Variants in L3MBTL4 observed in about 807,000 individuals in gnomAD.
The protein encoded by L3MBTL4 is L3MBTL histone methyl-lysine binding protein 4.
A neutral mutation model predicts 84.5 loss-of-function variants in L3MBTL4; 70 were observed. The ratio of observed to expected loss-of-function variants is 0.83; its 90% confidence interval spans 0.68 to 1.01. L3MBTL4 has a LOEUF of 1.01. Among genes scored for constraint, L3MBTL4 ranks in the 50% least tolerant of loss-of-function variants. The probability of loss-of-function intolerance (pLI) is 0.00; values close to 1 mark genes in which losing one functional copy is unlikely to be tolerated. For missense variants in L3MBTL4, 715 were observed against 754.8 expected, an observed-to-expected ratio of 0.95 and a Z score of 0.62; for synonymous variants, 274 against 259.8, an observed-to-expected ratio of 1.05 and a Z score of -0.52.
chr18:6,377,665 T>C (rs868633958), intron 1 of L3MBTL4, among the ~76,000 whole-genome samples: 11 of 152,368 alleles, frequency 7.2e-5, no homozygotes, highest in African/African-American at 2.4e-4. Flanking sequence ...TCCTTTTTTA[T>C]GGCTGCATAG....
intron 1 of L3MBTL4, among the ~76,000 whole-genome samples, chr18:6,357,857 T>C (rs2053516030): frequency 6.6e-6 from 1 of 152,204 alleles, no homozygotes; most frequent in South Asian, 2.1e-4. Context: ...CATTAAAAGC[T>C]TTATCTCCAG....
Position 5,960,158 on chromosome 18 carries a change from T to C in L3MBTL4, c.1615-2A>G, listed in dbSNP as rs2095256629. ...AAGAGACTGTACAAACTCAGCCACC[T>C]ACAGTGCGAGATGAAAAGCCTAATT... On this transcript the variant is annotated splice_acceptor_variant, in intron 17 of 18. Transcript: ENST00000317931. LOFTEE classifies it high-confidence loss of function. The C allele has an allele frequency of 1.3e-6, 2 of 1,588,700 alleles. No homozygotes were observed. Among genetic ancestry groups the C allele is most frequent in the African/African-American group, 1.3e-5 (1 of 74,214 alleles).
At chr18:6,286,458 T>G (rs1420984138) in intron 4 of L3MBTL4, among the ~76,000 whole-genome samples, 5 of 150,930 alleles carry the variant, frequency 3.3e-5, no homozygotes, top group Admixed American at 6.6e-5. Context: ...TGAGACTCCA[T>G]CTCAAAAATA....
chr18:6,285,076 G>A (rs983911255), intron 4 of L3MBTL4, among the ~76,000 whole-genome samples: 2 of 152,226 alleles, frequency 1.3e-5, no homozygotes, highest in Non-Finnish European at 2.9e-5. Flanking sequence ...CGGCTTCTGC[G>A]GGGCAGCCTG....
chr18:6,152,869 CTTAGATTTAAGTCT>C (rs2042955011), intron 13 of L3MBTL4, among the ~76,000 whole-genome samples: 1 of 152,096 alleles, frequency 6.6e-6, no homozygotes, highest in Admixed American at 6.6e-5. Flanking sequence ...GGTTTCAGAT[CTTAGATTTAAGTCT>C]TTAATCCATT....
At chr18:5,956,875 A>G (rs577553309) in intron 18 of L3MBTL4, among the ~76,000 whole-genome samples, 3 of 151,602 alleles carry the variant, frequency 2.0e-5, no homozygotes, top group South Asian at 2.1e-4. Context: ...CAGTCACCCA[A>G]AATCAACTCT....
intron 17 of L3MBTL4, among the ~76,000 whole-genome samples, chr18:5,965,071 C>T (rs936842064): frequency 2.6e-5 from 4 of 152,226 alleles, no homozygotes; most frequent in South Asian, 2.1e-4. Context: ...CAACTTATCA[C>T]ATGTGCACAC....
At chr18:6,085,094 A>T (rs958920354) in intron 15 of L3MBTL4, among the ~76,000 whole-genome samples, 1 of 152,264 alleles carries the variant, frequency 6.6e-6, no homozygotes, top group Non-Finnish European at 1.5e-5. Context: ...GGATTCATAC[A>T]GTATGTTTAG....
At chr18:6,206,459 T>C (rs1275572457) in intron 12 of L3MBTL4, among the ~76,000 whole-genome samples, 1 of 152,178 alleles carries the variant, frequency 6.6e-6, no homozygotes, top group Non-Finnish European at 1.5e-5. Flanking sequence ...AGGATCTCAC[T>C]AGATCTCGCA....
intron 17 of L3MBTL4, among the ~76,000 whole-genome samples, chr18:5,965,470 C>T (rs1229024127): frequency 6.6e-6 from 1 of 152,202 alleles, no homozygotes; most frequent in South Asian, 2.1e-4. Flanking sequence ...GGAGGCTCCT[C>T]TCCGAAACAC....
chr18:6,167,258 G>A (rs540629172), intron 13 of L3MBTL4, among the ~76,000 whole-genome samples: 32 of 152,290 alleles, frequency 2.1e-4, no homozygotes, highest in African/African-American at 7.7e-4. Context: ...ACAAGGAGGA[G>A]CTGGTAGCAT....
chr18:6,200,535 C>G (rs1463761437), intron 12 of L3MBTL4, among the ~76,000 whole-genome samples: 1 of 152,172 alleles, frequency 6.6e-6, no homozygotes, highest in African/African-American at 2.4e-5. Flanking sequence ...GTTCAGAATT[C>G]CAGCCATTTA....
chr18:6,067,719 GT>G (rs1458501138), intron 16 of L3MBTL4, among the ~76,000 whole-genome samples: 9 of 151,790 alleles, frequency 5.9e-5, no homozygotes, highest in Non-Finnish European at 1.2e-4. Flanking sequence ...TCTTTATGTT[GT>G]TTTTTACCTT....
intron 16 of L3MBTL4, chr18:6,030,051 A>C (rs2055711409): frequency 1.0e-6 from 1 of 985,364 alleles, no homozygotes; most frequent in Non-Finnish European, 1.2e-6. Context: ...TCCATGTGTT[A>C]AGAACTGCTC....
intron 11 of L3MBTL4, 118 bp downstream of exon 11, chr18:6,215,632 G>A (rs566693293): frequency 2.0e-6 from 1 of 510,982 alleles, no homozygotes; most frequent in African/African-American, 1.9e-5. Context: ...TATTGGTTAT[G>A]AAATTACTAC....
chr18:6,359,598 T>C (rs1272078724), intron 1 of L3MBTL4, among the ~76,000 whole-genome samples: 2 of 151,574 alleles, frequency 1.3e-5, no homozygotes, highest in East Asian at 3.9e-4. Flanking sequence ...AAAAAAAAAA[T>C]TCTAAAGCAT....
chr18:6,012,551 G>A (rs747738287), intron 16 of L3MBTL4, among the ~76,000 whole-genome samples: 8 of 152,194 alleles, frequency 5.3e-5, no homozygotes, highest in South Asian at 4.2e-4. Context: ...GAGTCTGGGC[G>A]CAGTGGCTCA....
At chr18:6,283,661 T>G (rs1246902792) in intron 4 of L3MBTL4, among the ~76,000 whole-genome samples, 2 of 152,220 alleles carry the variant, frequency 1.3e-5, no homozygotes, top group Non-Finnish European at 2.9e-5. Flanking sequence ...AGTATCTCCC[T>G]AGAGTCAAAC....
chr18:6,265,147 T>C (rs1004151499), intron 4 of L3MBTL4, among the ~76,000 whole-genome samples: 2 of 152,254 alleles, frequency 1.3e-5, no homozygotes, highest in African/African-American at 4.8e-5. Flanking sequence ...AAATGTGTAA[T>C]AGATTAAATA....
Sources: gnomAD v4.1 joint callset for allele counts (sites outside exome capture counted in the v4.1 genomes callset) on GRCh38, gnomAD v4.1.1 for gene constraint, MANE v1.5 for transcripts, NCBI Gene and HGNC (gene_info 2026-07-23, HGNC 2026-07-21) for gene names.